PLEKHM3: variants seen among roughly 807,000 people sequenced by gnomAD.
PLEKHM3 encodes pleckstrin homology domain-containing family M member 3.
PLEKHM3 carries 45 observed loss-of-function variants against 81.8 expected under a neutral mutation model. The ratio of observed to expected loss-of-function variants is 0.55; its 90% CI spans 0.43 to 0.71. The LOEUF is 0.71. Ranked by LOEUF, PLEKHM3 falls within the 30% of genes least tolerant of loss-of-function variation. The pLI is 0.00. For synonymous variants in PLEKHM3, 352 were observed against 356.4 expected (o/e 0.99, Z 0.14); for missense variants, 788 against 924.3 (o/e 0.85, Z 1.91).
At chr2:207,924,989 C>T (rs1689339625) in intron 5 of PLEKHM3, among the ~76,000 whole-genome samples, 1 of 152,024 alleles carries the variant, frequency 6.6e-6, no homozygotes, top group Non-Finnish European at 1.5e-5. Context: ...GAAACAAGGG[C>T]CTCAGGAAGT....
At chr2:207,849,292 C>A (rs955036738) in intron 7 of PLEKHM3, among the ~76,000 whole-genome samples, 1 of 151,992 alleles carries the variant, frequency 6.6e-6, no homozygotes, top group Admixed American at 6.6e-5. Context: ...CGAGATCCTG[C>A]CACTGCACTC....
At chr2:207,881,930 C>T (rs1161003531) in intron 6 of PLEKHM3, among the ~76,000 whole-genome samples, 1 of 152,110 alleles carries the variant, frequency 6.6e-6, no homozygotes, top group African/African-American at 2.4e-5. Flanking sequence ...CCTGCCTGCC[C>T]TTAGGCTTTC....
Position 207,955,528 on chromosome 2 carries a change from G to T in PLEKHM3, c.1547-9016C>A, listed in dbSNP as rs6705199. Among the ~76,000 whole-genome samples the T allele has an allele frequency of 2.0e-5, 3 of 151,940 alleles. No homozygotes were observed. The South Asian group carries it at 6.2e-4, about 31-fold the overall frequency. On this transcript the variant is annotated intron_variant, in intron 3 of 7. Coordinates refer to ENST00000427836, the MANE Select transcript of PLEKHM3 (RefSeq NM_001080475.3). ...ATAACTACTTTACATACACACAAACGAACATATGTAAATACATGTGTATGT... is the reference window on the plus strand; with the variant it reads ...ATAACTACTTTACATACACACAAACTAACATATGTAAATACATGTGTATGT...
At chr2:207,885,577 C>G (rs1687860907) in intron 6 of PLEKHM3, among the ~76,000 whole-genome samples, 1 of 152,096 alleles carries the variant, frequency 6.6e-6, no homozygotes, top group Non-Finnish European at 1.5e-5. Flanking sequence ...TCTCTACTCC[C>G]CTGAATCCCA....
chr2:207,902,278 A>C (rs1006300704), intron 6 of PLEKHM3, among the ~76,000 whole-genome samples: 2 of 152,234 alleles, frequency 1.3e-5, no homozygotes, highest in Non-Finnish European at 2.9e-5. Flanking sequence ...GCGTCCATAG[A>C]GAAAAACGTT....
intron 7 of PLEKHM3, among the ~76,000 whole-genome samples, chr2:207,857,145 G>A (rs1038517190): frequency 3.9e-5 from 6 of 152,200 alleles, no homozygotes; most frequent in African/African-American, 1.4e-4. Flanking sequence ...ACAGAGAAGT[G>A]TTGAAGGCTC....
chr2:207,921,011 G>C (rs966987003), intron 5 of PLEKHM3, among the ~76,000 whole-genome samples: 2 of 152,040 alleles, frequency 1.3e-5, no homozygotes, highest in South Asian at 4.1e-4. Context: ...GCATCTTAGA[G>C]TCATAGTTCC....
intron 5 of PLEKHM3, among the ~76,000 whole-genome samples, chr2:207,924,123 T>C (rs1167107517): frequency 6.6e-6 from 1 of 150,910 alleles, no homozygotes; most frequent in African/African-American, 2.4e-5. Flanking sequence ...GAGGCTGGTC[T>C]TGAACTCCTG....
At chr2:207,991,205 C>A (rs1016680275) in intron 2 of PLEKHM3, among the ~76,000 whole-genome samples, 1 of 152,188 alleles carries the variant, frequency 6.6e-6, no homozygotes. Flanking sequence ...CCATGGTGAG[C>A]TTTTGGCTCT....
At chr2:207,890,046 C>T (rs547670165) in intron 6 of PLEKHM3, among the ~76,000 whole-genome samples, 6 of 152,290 alleles carry the variant, frequency 3.9e-5, no homozygotes, top group Non-Finnish European at 7.3e-5. Flanking sequence ...CTCAGGCAAT[C>T]TGCCCGCCTT....
chr2:207,930,862 T>C, intron 5 of PLEKHM3, 64 bp downstream of exon 5: 1 of 1,571,268 alleles, frequency 6.4e-7, no homozygotes, highest in Non-Finnish European at 8.7e-7. Flanking sequence ...GGAGATAATC[T>C]CACCACCCTC....
At chr2:207,867,025 T>C (rs772478798) in intron 6 of PLEKHM3, among the ~76,000 whole-genome samples, 40 of 152,248 alleles carry the variant, frequency 2.6e-4, no homozygotes, top group Non-Finnish European at 1.3e-4. Flanking sequence ...TAAGAGAATA[T>C]AAATTGCTTG....
At chr2:207,830,309 G>T (rs925980359) in intron 7 of PLEKHM3, among the ~76,000 whole-genome samples, 3 of 152,048 alleles carry the variant, frequency 2.0e-5, no homozygotes, top group African/African-American at 7.2e-5. Flanking sequence ...ATGCTTAGGA[G>T]GTAATCAAGA....
chr2:207,921,874 G>A (rs1689194109), intron 5 of PLEKHM3, among the ~76,000 whole-genome samples: 1 of 152,134 alleles, frequency 6.6e-6, no homozygotes, highest in South Asian at 2.1e-4. Context: ...ACTTCATTGT[G>A]TATATTTACC....
intron 3 of PLEKHM3, among the ~76,000 whole-genome samples, chr2:207,955,983 CAG>C (rs1690494312): frequency 7.0e-6 from 1 of 143,798 alleles, no homozygotes; most frequent in South Asian, 2.2e-4. Flanking sequence ...TGTGTCGACA[CAG>C]GGGCATTTGA....
chr2:207,918,304 C>T (rs574203130), intron 5 of PLEKHM3, among the ~76,000 whole-genome samples: 4 of 152,256 alleles, frequency 2.6e-5, no homozygotes, highest in East Asian at 3.9e-4. Flanking sequence ...GGGTGGATCA[C>T]GAGGTCAGGA....
At chr2:207,938,730 A>T (rs1050593190) in intron 4 of PLEKHM3, among the ~76,000 whole-genome samples, 11 of 152,204 alleles carry the variant, frequency 7.2e-5, no homozygotes, top group African/African-American at 2.7e-4. Context: ...TGGTCTGACA[A>T]AGGAGATTTT....
intron 6 of PLEKHM3, among the ~76,000 whole-genome samples, chr2:207,870,792 C>T (rs1381932062): frequency 1.3e-5 from 2 of 152,190 alleles, no homozygotes; most frequent in Non-Finnish European, 2.9e-5. Flanking sequence ...ACTTCTCTTA[C>T]TCATCAATCC....
In PLEKHM3 at chr2:208,001,775, G is replaced by C; in HGVS notation, c.-136C>G. Reference sequence around the variant, plus strand: ...GAAGAAACCTTCATTGGGCTCCCTGGAGCAGGCCAAACCCAAAGTGGTTGA... The same window carrying C: ...GAAGAAACCTTCATTGGGCTCCCTGCAGCAGGCCAAACCCAAAGTGGTTGA... On this transcript the variant is annotated 5_prime_UTR_variant, in exon 2 of 8. Coordinates refer to ENST00000427836, the MANE Select transcript of PLEKHM3 (RefSeq NM_001080475.3). 7.0e-7 allele frequency: 1 copy of C among 1,434,248 alleles called. No individual in the cohort carries two copies. The allele number at this position is 1,434,248 out of a possible 1,614,324, so 88.8% of individuals were successfully genotyped here.
Sources: gnomAD v4.1 joint callset for allele counts (sites outside exome capture counted in the v4.1 genomes callset) on GRCh38, gnomAD v4.1.1 for gene constraint, MANE v1.5 for transcripts, NCBI Gene and HGNC (gene_info 2026-07-23, HGNC 2026-07-21) for gene names.